The following DCAF5 variants were observed in gnomAD, a reference collection of about 807,000 sequenced individuals.
The protein encoded by DCAF5 is DDB1- and CUL4-associated factor 5.
DCAF5 carries 9 observed loss-of-function variants against 80.7 expected under a neutral mutation model. That is an observed-to-expected ratio of 0.11 (90% CI 0.07 to 0.19). DCAF5 has a LOEUF of 0.19. Among genes scored for constraint, DCAF5 ranks in the 10% least tolerant of loss-of-function variants. DCAF5 has a pLI of 1.00. For missense variants in DCAF5, 842 were observed against 1,205.7 expected (o/e 0.70, Z 4.47); for synonymous variants, 433 against 461.9 (o/e 0.94, Z 0.80).
At chr14:69,071,682 A>T (rs1029999011) in intron 7 of DCAF5, among the ~76,000 whole-genome samples, 8 of 152,180 alleles carry the variant, frequency 5.3e-5, no homozygotes, top group African/African-American at 1.9e-4. Flanking sequence ...TGATTATTTA[A>T]GTCAAAAAGA....
intron 1 of DCAF5, among the ~76,000 whole-genome samples, chr14:69,124,966 C>T (rs2040831403): frequency 6.6e-6 from 1 of 152,028 alleles, no homozygotes; most frequent in South Asian, 2.1e-4. Context: ...TGTTTCTGAC[C>T]TAATCTCCCT....
At chr14:69,103,866 G>A (rs1434803302) in intron 5 of DCAF5, among the ~76,000 whole-genome samples, 3 of 152,142 alleles carry the variant, frequency 2.0e-5, no homozygotes, top group Non-Finnish European at 4.4e-5. Flanking sequence ...TATGCAGCAT[G>A]TATTCTTTTG....
At chr14:69,057,844 A>G (rs1690936285) in intron 8 of DCAF5, among the ~76,000 whole-genome samples, 1 of 152,198 alleles carries the variant, frequency 6.6e-6, no homozygotes, top group Non-Finnish European at 1.5e-5. Context: ...CACTCCAGAC[A>G]CACAGTACAG....
At chr14:69,092,947 T>G (rs2039583187) in intron 5 of DCAF5, among the ~76,000 whole-genome samples, 2 of 152,232 alleles carry the variant, frequency 1.3e-5, no homozygotes, top group Admixed American at 1.3e-4. Context: ...TGCAGTTTCA[T>G]AAGATTCACA....
intron 1 of DCAF5, among the ~76,000 whole-genome samples, chr14:69,143,425 T>A (rs1284043899): frequency 1.3e-5 from 2 of 152,116 alleles, no homozygotes; most frequent in African/African-American, 4.8e-5. Context: ...AATATAAGGA[T>A]AATAATACTA....
chr14:69,064,224 C>T (rs2038344440), intron 7 of DCAF5, among the ~76,000 whole-genome samples: 2 of 152,138 alleles, frequency 1.3e-5, no homozygotes, highest in African/African-American at 4.8e-5. Flanking sequence ...GAGATCCTAC[C>T]ATCCCCAAAA....
In DCAF5 at chr14:69,074,331, C is replaced by T. The variant is rs1377918221; in HGVS notation, c.946+1014G>A. Among the ~76,000 whole-genome samples the T allele has an allele frequency of 1.1e-4, 16 of 151,902 alleles. 1 individual carries two copies. Among genetic ancestry groups the T allele is most frequent in the Admixed American group, 1.0e-3 (16 of 15,260 alleles). Reference sequence around the variant, plus strand: ...CAGACATTTTTCTACCATTAGGTAACACTCATTGAGCACATGAAGACACTA... The same window carrying T: ...CAGACATTTTTCTACCATTAGGTAATACTCATTGAGCACATGAAGACACTA... On this transcript the variant is annotated intron_variant, in intron 7 of 8. Transcript: ENST00000341516.
Position 69,122,239 on chromosome 14 carries a change from C to G in DCAF5, c.336G>C (p.Gly112=). 2.5e-6 allele frequency: 4 copies of G among 1,613,802 alleles called. No individual in the cohort carries two copies. Among genetic ancestry groups the G allele is most frequent in the Non-Finnish European group, 2.5e-6 (3 of 1,179,794 alleles). The change falls in exon 2 of 9, where the codon GGG becomes GGC. Residue 112 remains glycine, a synonymous_variant. Coordinates refer to ENST00000341516, the MANE Select transcript of DCAF5 (RefSeq NM_003861.3). The part of the protein sequence containing the change: ...SNIFCLAFNS[G]NTKVFSGGND... ...TACCTCCAGAGAACACTTTAGTGTT[C>G]CCACTGTTGAAAGCCAGGCAAAAAA...
In DCAF5 at chr14:69,118,379, G is replaced by T. The variant is rs574040649; in HGVS notation, c.396-101C>A. On this transcript the variant is annotated intron_variant, in intron 3 of 8. Coordinates refer to ENST00000341516, the MANE Select transcript of DCAF5 (RefSeq NM_003861.3). This position sits in a 1 kb window ranked among gnomAD's most constrained non-coding sequence, Gnocchi z 4.0. ...GAGGGTGCCATCTTTTCCATTTCTAGAAGAAAGTCAACCTAGCTAAACCCA... is the reference window on the plus strand; with the variant it reads ...GAGGGTGCCATCTTTTCCATTTCTATAAGAAAGTCAACCTAGCTAAACCCA... 1 of 1,337,474 alleles carries T rather than the reference G, an allele frequency of 7.5e-7. No homozygotes were observed. Among genetic ancestry groups the T allele is most frequent in the Admixed American group, 2.4e-5 (1 of 41,656 alleles). 82.9% of individuals were successfully genotyped at this position (1,337,474 alleles called of 1,614,324 possible). A position where few individuals can be genotyped will look rare whatever the true frequency, so the allele number is the denominator to read the frequency against.
At chr14:69,102,131 CA>C (rs1192677991) in intron 5 of DCAF5, among the ~76,000 whole-genome samples, 1 of 119,842 alleles carries the variant, frequency 8.3e-6, no homozygotes, top group Admixed American at 9.1e-5. Context: ...TTTTTTGAGA[CA>C]AAGTCTCACT....
chr14:69,090,904 T>C (rs1252399838), intron 6 of DCAF5: 1 of 549,618 alleles, frequency 1.8e-6, no homozygotes, highest in African/African-American at 1.9e-5. Flanking sequence ...TAAAAAATTC[T>C]ATTTGTTTAT....
At chr14:69,119,595 G>C (rs1275844143) in intron 2 of DCAF5, among the ~76,000 whole-genome samples, 1 of 151,532 alleles carries the variant, frequency 6.6e-6, no homozygotes, top group Admixed American at 6.6e-5. Flanking sequence ...CACCCTTGAA[G>C]TCCCAGCTAC....
chr14:69,119,641 G>T (rs1006343733), intron 2 of DCAF5, among the ~76,000 whole-genome samples: 3 of 151,286 alleles, frequency 2.0e-5, no homozygotes, highest in Non-Finnish European at 4.4e-5. Context: ...CTTGAGGTCA[G>T]GAGTTCAAGG....
intron 1 of DCAF5, among the ~76,000 whole-genome samples, chr14:69,135,875 G>A (rs968661974): frequency 6.8e-4 from 103 of 152,246 alleles, no homozygotes; most frequent in African/African-American, 2.3e-3. Flanking sequence ...CCAAATGATC[G>A]ATGTATGATG....
intron 1 of DCAF5, among the ~76,000 whole-genome samples, chr14:69,144,229 C>T (rs1351121339): frequency 6.7e-6 from 1 of 149,526 alleles, no homozygotes; most frequent in Non-Finnish European, 1.5e-5. Flanking sequence ...GCATACGTTA[C>T]AAGATAAAAA....
In DCAF5 at chr14:69,054,815, T is replaced by C. The variant is rs1416556453; in HGVS notation, c.1871A>G (p.Asp624Gly). The change falls in exon 9 of 9, where the codon GAC (aspartate) becomes GGC (glycine). Residue 624 changes from aspartate to glycine, a missense_variant. Physicochemically the swap from Asp to Gly is moderately conservative, Grantham distance 94. This residue lies in a region of DCAF5 where 607 missense variants were observed against 656.6 expected (regional missense o/e 0.92). Transcript: ENST00000341516. ...GGACGAGGTTGGGGAGGAGGAGAGG[T>C]CATCCACTTTGATCTGGGGGTAATC... is the stretch of plus-strand genomic sequence containing the variant. Reference protein sequence around the residue: ...NYDYPQIKVDDLSSSPTSSPE... With the variant: ...NYDYPQIKVDGLSSSPTSSPE... 1 of 1,613,502 alleles carries C rather than the reference T, an allele frequency of 6.2e-7. No individual in the cohort carries two copies. The highest frequency in any genetic ancestry group is 8.5e-7 in the Non-Finnish European group (1 of 1,179,874).
intron 2 of DCAF5, 101 bp downstream of exon 2, chr14:69,122,116 C>A: frequency 7.2e-7 from 1 of 1,397,508 alleles, no homozygotes; most frequent in Non-Finnish European, 9.9e-7. Context: ...AATTCCACAG[C>A]TCAATGAAAT....
rs538477395 is a variant in DCAF5, at chr14:69,066,917, G to C, written c.947-4406C>G. On this transcript the variant is annotated intron_variant, in intron 7 of 8. Transcript: ENST00000341516. ...GTCCTCCAAGAATGAGTACGTTTTT[G>C]ACTCAAAAGCTGAAAGCAATGTGGT... Among the ~76,000 whole-genome samples, 7 of 152,310 alleles carry C rather than the reference G, an allele frequency of 4.6e-5. No individual in the cohort carries two copies. The East Asian group carries it at 1.4e-3, about 29-fold the overall frequency.
At chr14:69,077,042 G>T (rs1459904456) in intron 6 of DCAF5, among the ~76,000 whole-genome samples, 2 of 152,200 alleles carry the variant, frequency 1.3e-5, no homozygotes, top group African/African-American at 2.4e-5. Context: ...ACTCATAAAA[G>T]TATTGTCTAA....
Sources: gnomAD v4.1 joint callset for allele counts (sites outside exome capture counted in the v4.1 genomes callset) on GRCh38, gnomAD v4.1.1 for gene constraint, gnomAD v4.1.1 regional missense constraint, Gnocchi (gnomAD v3.1) non-coding constraint, MANE v1.5 for transcripts, NCBI Gene and HGNC (gene_info 2026-07-23, HGNC 2026-07-21) for gene names.